Variants in CLNK observed in about 807,000 individuals in gnomAD.
The protein encoded by CLNK is cytokine dependent hematopoietic cell linker.
A neutral mutation model predicts 68.6 loss-of-function variants in CLNK; 74 were observed. That is an observed-to-expected ratio of 1.08 (90% CI 0.89 to 1.31). The LOEUF (loss-of-function observed/expected upper bound fraction) is 1.31. CLNK is among the 50% of genes most tolerant of loss of function. The pLI, the probability that CLNK is intolerant of heterozygous loss-of-function variation, is 0.00. For missense variants in CLNK, 553 were observed against 515.3 expected, an observed-to-expected ratio of 1.07 and a Z score of -0.71; for synonymous variants, 198 against 172.2, an observed-to-expected ratio of 1.15 and a Z score of -1.17.
chr4:10,731,740 A>G, the CLNK span, among the ~76,000 whole-genome samples: 1,189 of 152,300 alleles, frequency 7.8e-3, 10 homozygotes, highest in African/African-American at 0.027. Flanking sequence ...TTCTGCTCTC[A>G]TGGAGGGCAG....
intron 8 of CLNK, among the ~76,000 whole-genome samples, chr4:10,545,615 C>G (rs1048836775): frequency 1.3e-5 from 2 of 152,172 alleles, no homozygotes; most frequent in Non-Finnish European, 2.9e-5. Context: ...GGCCTTGCTC[C>G]TATGGCTCCA....
intron 2 of CLNK, among the ~76,000 whole-genome samples, chr4:10,655,334 C>CAGAGAGAGAG (rs148877353): frequency 0.05 from 6,743 of 134,936 alleles, 225 homozygotes; most frequent in Admixed American, 0.064. Context: ...CCCCCAAAGA[C>CAGAGAGAGAG]AGAGAGAGAG....
Position 10,654,133 on chromosome 4 carries a change from G to A in CLNK, c.11+13726C>T, listed in dbSNP as rs117323027. Among the ~76,000 whole-genome samples the A allele has an allele frequency of 9.0e-3, 1,375 of 152,084 alleles. 42 individuals carry two copies. The East Asian group carries it at 0.12, about 13-fold the overall frequency. On this transcript the variant is annotated intron_variant, in intron 2 of 18. Transcript: ENST00000226951. ...CACAAATGTGATGCTAACCAGCAAG[G>A]AGAGTGAAAGAAAGAAAATTACAGG... is the stretch of plus-strand genomic sequence containing the variant.
chr4:10,561,549 G>A (rs1013983406), intron 7 of CLNK, among the ~76,000 whole-genome samples: 1 of 152,184 alleles, frequency 6.6e-6, no homozygotes, highest in Non-Finnish European at 1.5e-5. Context: ...CATTTACAGG[G>A]AAAGTTCAGC....
intron 1 of CLNK, among the ~76,000 whole-genome samples, chr4:10,680,536 CA>C (rs1725058336): frequency 6.6e-6 from 1 of 151,624 alleles, no homozygotes; most frequent in South Asian, 2.1e-4. Context: ...AAAAAGAAGA[CA>C]AAAAAGGGAC....
intron 17 of CLNK, 60 bp from the exon 18 acceptor site, chr4:10,501,471 G>C: frequency 6.5e-7 from 1 of 1,531,276 alleles, no homozygotes; most frequent in Non-Finnish European, 8.8e-7. Context: ...CCCTTGTAAT[G>C]GTGGCAACAA....
At position 10,522,180 on chromosome 4, in the gene CLNK, C is replaced by T. The variant is rs1187090991; in HGVS notation, c.732-1349G>A. Among the ~76,000 whole-genome samples the T allele has an allele frequency of 1.3e-4, 19 of 150,406 alleles. 1 individual carries two copies. Among genetic ancestry groups the T allele is most frequent in the Admixed American group, 1.1e-3 (16 of 15,050 alleles). ...GGCTGAGGCAGGAGAATGGTGTGAACCTGGGAGGCGGAGGTTGCAGTGAGC... is the reference window on the plus strand; with the variant it reads ...GGCTGAGGCAGGAGAATGGTGTGAATCTGGGAGGCGGAGGTTGCAGTGAGC... On this transcript the variant is annotated intron_variant, in intron 14 of 18. Coordinates refer to ENST00000226951, the MANE Select transcript of CLNK (RefSeq NM_052964.4).
At chr4:10,520,107 C>T (rs1717997703) in intron 15 of CLNK, among the ~76,000 whole-genome samples, 1 of 151,762 alleles carries the variant, frequency 6.6e-6, no homozygotes, top group Non-Finnish European at 1.5e-5. Context: ...ATCTTCATGG[C>T]ACACAGAGTG....
intron 3 of CLNK, among the ~76,000 whole-genome samples, chr4:10,592,415 C>A (rs1009114137): frequency 1.3e-5 from 2 of 152,164 alleles, no homozygotes; most frequent in Non-Finnish European, 2.9e-5. Context: ...GCGGGCAGAG[C>A]CACTCCTGAA....
chr4:10,501,438 T>G, intron 17 of CLNK, 27 bp from the exon 18 acceptor site: 1 of 1,600,340 alleles, frequency 6.2e-7, no homozygotes, highest in Non-Finnish European at 8.5e-7. Flanking sequence ...AACAGTCATC[T>G]TTTCAGACAC....
At chr4:10,694,529 C>T in the CLNK span, among the ~76,000 whole-genome samples, 1 of 152,110 alleles carries the variant, frequency 6.6e-6, no homozygotes, top group Admixed American at 6.5e-5. Context: ...TGATTTCCTA[C>T]CATATCCAGT....
At chr4:10,550,052 G>GT (rs1171618750) in intron 8 of CLNK, among the ~76,000 whole-genome samples, 8 of 152,332 alleles carry the variant, frequency 5.3e-5, no homozygotes, top group African/African-American at 1.9e-4. Flanking sequence ...ATATCACCGT[G>GT]TTCTGGGAGG....
rs144794863 is a variant in CLNK, at chr4:10,593,886, G to A, written c.83+4092C>T. On this transcript the variant is annotated intron_variant, in intron 3 of 18. Transcript: ENST00000226951. ...GTGTGGTGACACTGTTCCTAGCATC[G>A]CTGTCAAGAGTAAAGGATGGAAAGG... Among the ~76,000 whole-genome samples, 526 of 152,242 alleles carry A rather than the reference G, an allele frequency of 3.5e-3. 2 individuals are homozygous for A. The highest frequency in any genetic ancestry group is 4.6e-3 in the South Asian group (22 of 4,824).
At chr4:10,729,224 A>T in the CLNK span, among the ~76,000 whole-genome samples, 2 of 152,160 alleles carry the variant, frequency 1.3e-5, no homozygotes, top group African/African-American at 4.8e-5. Context: ...TACTGGTCTT[A>T]CACCAGTCAG....
chr4:10,568,844 T>C (rs1449165397), intron 5 of CLNK, among the ~76,000 whole-genome samples: 3 of 152,198 alleles, frequency 2.0e-5, no homozygotes, highest in Admixed American at 6.5e-5. Context: ...AGACTTCTGA[T>C]TGCATCCACT....
At chr4:10,713,939 A>AT in the CLNK span, among the ~76,000 whole-genome samples, 1 of 152,130 alleles carries the variant, frequency 6.6e-6, no homozygotes, top group Admixed American at 6.6e-5. Flanking sequence ...TTTTTTAGAC[A>AT]TTTCATGGGC....
chr4:10,725,481 G>C, the CLNK span, among the ~76,000 whole-genome samples: 1 of 152,064 alleles, frequency 6.6e-6, no homozygotes, highest in East Asian at 1.9e-4. Flanking sequence ...GCCCGTGCAG[G>C]TTCCTCGGCC....
intron 18 of CLNK, among the ~76,000 whole-genome samples, chr4:10,491,485 T>C (rs1185540855): frequency 6.6e-6 from 1 of 152,236 alleles, no homozygotes; most frequent in Non-Finnish European, 1.5e-5. Flanking sequence ...GCTGCTTAGC[T>C]AATTTAGCTG....
chr4:10,652,365 G>T, intron 2 of CLNK, among the ~76,000 whole-genome samples: 1 of 103,848 alleles, frequency 9.6e-6, no homozygotes, highest in Non-Finnish European at 1.7e-5. Context: ...CTGGGTGACA[G>T]AGCAAGACTC....
Sources: gnomAD v4.1 joint callset for allele counts (sites outside exome capture counted in the v4.1 genomes callset) on GRCh38, gnomAD v4.1.1 for gene constraint, MANE v1.5 for transcripts, NCBI Gene and HGNC (gene_info 2026-07-23, HGNC 2026-07-21) for gene names.